The following CCDC144A variants were observed in gnomAD, a reference collection of about 807,000 sequenced individuals.
CCDC144A encodes the protein coiled-coil domain-containing protein 144A.
A neutral mutation model predicts 143.8 loss-of-function variants in CCDC144A; 41 were observed. That is an observed-to-expected ratio of 0.29 (90% CI 0.22 to 0.37). The LOEUF (loss-of-function observed/expected upper bound fraction) is 0.37. Among genes scored for constraint, CCDC144A ranks in the 10% least tolerant of loss-of-function variants. The pLI, the probability that CCDC144A is intolerant of heterozygous loss-of-function variation, is 1.00. For missense variants in CCDC144A, 637 were observed against 1,488.8 expected (o/e 0.43, Z 9.41); for synonymous variants, 242 against 517.9 (o/e 0.47, Z 7.23).
the CCDC144A span, among the ~76,000 whole-genome samples, chr17:16,671,857 T>C: frequency 3.3e-5 from 5 of 152,246 alleles, 1 homozygote; most frequent in African/African-American, 7.2e-5. Context: ...TATTAACATA[T>C]GTTATCTTAT....
At chr17:16,679,899 ATTTCT>A in the CCDC144A span, among the ~76,000 whole-genome samples, 1 of 152,076 alleles carries the variant, frequency 6.6e-6, no homozygotes, top group Non-Finnish European at 1.5e-5. Flanking sequence ...CATTAACCAA[ATTTCT>A]TTTCAAAGTA....
In CCDC144A at chr17:16,692,976, T is replaced by C. The variant is rs1911176874; in HGVS notation, c.345-3T>C. 6.8e-7 allele frequency: 1 copy of C among 1,478,294 alleles called. No homozygotes were observed. The highest frequency in any genetic ancestry group is 2.3e-5 in the Admixed American group (1 of 43,402). 91.6% of individuals were successfully genotyped at this position (1,478,294 alleles called of 1,614,324 possible). Reference sequence around the variant, plus strand: ...ATTTCATTTATTACATTTTTATCCATAGCATTCAGCAACTAGTTCCTGAAT... The same window carrying C: ...ATTTCATTTATTACATTTTTATCCACAGCATTCAGCAACTAGTTCCTGAAT... On this transcript the variant is annotated splice_region_variant and splice_polypyrimidine_tract_variant and intron_variant, in intron 1 of 16. Coordinates refer to ENST00000399273, the MANE Select transcript of CCDC144A (RefSeq NM_001382000.1).
chr17:16,767,849 A>G (rs1444956450), intron 15 of CCDC144A, among the ~76,000 whole-genome samples: 1 of 152,220 alleles, frequency 6.6e-6, no homozygotes, highest in African/African-American at 2.4e-5. Context: ...CTCTCACCCC[A>G]TTATATGAAG....
intron 12 of CCDC144A, among the ~76,000 whole-genome samples, chr17:16,749,788 G>A (rs2656426): frequency 6.6e-6 from 1 of 152,208 alleles, no homozygotes; most frequent in Non-Finnish European, 1.5e-5. Flanking sequence ...GGGTGGGTAT[G>A]TATTTAGGAT....
the CCDC144A span, among the ~76,000 whole-genome samples, chr17:16,680,667 C>T: frequency 1.4e-5 from 2 of 139,704 alleles, 1 homozygote; most frequent in South Asian, 4.6e-4. Context: ...GAGGGAGAGA[C>T]AGAGAGAGAG....
At chr17:16,695,201 A>G (rs1911327774) in intron 2 of CCDC144A, 2 of 152,226 alleles carry the variant, frequency 1.3e-5, no homozygotes, top group Admixed American at 6.5e-5. Flanking sequence ...TTTCAAGGAA[A>G]TCATTTATTC....
intron 12 of CCDC144A, among the ~76,000 whole-genome samples, chr17:16,750,216 G>A (rs1410701051): frequency 6.6e-6 from 1 of 151,978 alleles, no homozygotes; most frequent in Middle Eastern, 3.2e-3. Context: ...GTGTGTTTTT[G>A]TGGTAGTGGG....
chr17:16,683,943 A>C, the CCDC144A span: 3 of 1,233,576 alleles, frequency 2.4e-6, no homozygotes, highest in Non-Finnish European at 3.6e-6. Flanking sequence ...ATCCGCGTTT[A>C]CTGGGGGCCG....
chr17:16,688,277 C>T (rs568608693), upstream of CCDC144A, among the ~76,000 whole-genome samples: 7 of 151,810 alleles, frequency 4.6e-5, no homozygotes, highest in East Asian at 1.4e-3. Flanking sequence ...CTCCGCTGCC[C>T]GTGTGCAGCT....
intron 12 of CCDC144A, chr17:16,746,251 G>C: frequency 8.9e-7 from 1 of 1,118,118 alleles, no homozygotes; most frequent in Non-Finnish European, 1.3e-6. Context: ...ATTTTCTTCT[G>C]TTTATCTGTC....
At chr17:16,677,260 A>G in the CCDC144A span, among the ~76,000 whole-genome samples, 5 of 152,110 alleles carry the variant, frequency 3.3e-5, no homozygotes, top group African/African-American at 4.8e-5. Context: ...AGTTGCCTCT[A>G]AAGTTCCGTC....
the CCDC144A span, among the ~76,000 whole-genome samples, chr17:16,678,189 A>G: frequency 7.2e-5 from 11 of 152,046 alleles, no homozygotes; most frequent in Non-Finnish European, 1.6e-4. Context: ...ACATCCCCTG[A>G]TCTGAAAACT....
At position 16,754,768 on chromosome 17, in the gene CCDC144A, G is replaced by A. The variant is rs368435035; in HGVS notation, c.3373-6657G>A. On this transcript the variant is annotated intron_variant, in intron 12 of 16. Transcript: ENST00000399273. ...GTGGTCTATAGTGCAGGTTCATTTCGATGTTTCTTTGTTGATTTTCTGTTT... is the reference window on the plus strand; with the variant it reads ...GTGGTCTATAGTGCAGGTTCATTTCAATGTTTCTTTGTTGATTTTCTGTTT... 2.7e-4 allele frequency among the ~76,000 whole-genome samples: 41 copies of A among 152,340 alleles called. 1 individual carries two copies. The East Asian group carries it at 4.0e-3, about 15-fold the overall frequency.
At chr17:16,766,834 TGGGGAAGG>T (rs1423008431) in intron 15 of CCDC144A, among the ~76,000 whole-genome samples, 1 of 152,098 alleles carries the variant, frequency 6.6e-6, no homozygotes, top group African/African-American at 2.4e-5. Context: ...TTCTGTTTTG[TGGGGAAGG>T]GGGTGTTCAT....
intron 6 of CCDC144A, among the ~76,000 whole-genome samples, chr17:16,715,271 C>A (rs1912679201): frequency 6.7e-6 from 1 of 150,002 alleles, no homozygotes; most frequent in Non-Finnish European, 1.5e-5. Context: ...GAAGTTTACC[C>A]TTCGGTGTAT....
rs534667451 is a variant in CCDC144A, at chr17:16,710,094, A to G, written c.1578+459A>G. On this transcript the variant is annotated intron_variant, in intron 5 of 16. Coordinates refer to ENST00000399273, the MANE Select transcript of CCDC144A (RefSeq NM_001382000.1). ...GTGGCAAACACCTGTAGTCTCAGCT[A>G]CTAGGGAGCCTAAGGCAGGAGGATC... 1.8e-3 allele frequency: 320 copies of G among 182,590 alleles called. 7 individuals are homozygous for G. In the South Asian group the frequency reaches 0.033, roughly 19 times the overall value. The allele number at this position is 182,590 out of a possible 1,614,324, so 11.3% of individuals were successfully genotyped here.
At chr17:16,692,595 G>A (rs1432968606) in intron 1 of CCDC144A, among the ~76,000 whole-genome samples, 7 of 150,300 alleles carry the variant, frequency 4.7e-5, no homozygotes, top group Non-Finnish European at 7.4e-5. Flanking sequence ...TTTACAAAAC[G>A]TTTTCTTGTT....
At chr17:16,711,150 AAAAAAAAAC>A (rs1334897222) in intron 5 of CCDC144A, among the ~76,000 whole-genome samples, 3 of 140,954 alleles carry the variant, frequency 2.1e-5, no homozygotes, top group African/African-American at 7.9e-5. Flanking sequence ...AAAAAAAAAA[AAAAAAAAAC>A]AAAAGTTAGT....
chr17:16,752,353 A>G (rs1000010888), intron 12 of CCDC144A, among the ~76,000 whole-genome samples: 8 of 152,320 alleles, frequency 5.3e-5, no homozygotes, highest in African/African-American at 1.9e-4. Context: ...GTTTTCCACA[A>G]TGCCAGCACC....
Sources: allele counts gnomAD v4.1 joint callset (sites outside exome capture counted in the v4.1 genomes callset), GRCh38; gene constraint gnomAD v4.1.1; transcripts MANE v1.5; gene names NCBI Gene and HGNC (gene_info 2026-07-23, HGNC 2026-07-21).